JAK1: variants seen among roughly 807,000 people sequenced by gnomAD.
JAK1 encodes the protein Janus kinase 1.
JAK1 carries 16 observed loss-of-function variants against 136.6 expected under a neutral mutation model. That is an observed-to-expected ratio of 0.12 (90% CI 0.08 to 0.18). JAK1 has a LOEUF of 0.18. Ranked by LOEUF, JAK1 falls within the 10% of genes least tolerant of loss-of-function variation. JAK1 has a pLI of 1.00. For missense variants in JAK1, 859 were observed against 1,450.1 expected (o/e 0.59, Z 6.62); for synonymous variants, 492 against 519.5 (o/e 0.95, Z 0.72).
intron 2 of JAK1, chr1:64,990,212 G>A (rs1390406937): frequency 6.6e-6 from 1 of 152,216 alleles, no homozygotes; most frequent in Non-Finnish European, 1.5e-5. Context: ...GGAGGCTGAG[G>A]CAGGAGAATT....
chr1:64,993,898 C>T (rs908914841), intron 2 of JAK1, among the ~76,000 whole-genome samples: 2 of 152,082 alleles, frequency 1.3e-5, no homozygotes, highest in East Asian at 1.9e-4. Context: ...CCACCCACTT[C>T]GGCCTCCCAA....
chr1:65,056,185 G>A (rs1414713096), intron 1 of JAK1, among the ~76,000 whole-genome samples: 3 of 152,196 alleles, frequency 2.0e-5, no homozygotes, highest in South Asian at 2.1e-4. Context: ...TTCAGGAGTG[G>A]TAGCATAATA....
At chr1:64,902,202 T>A (rs1645116450) in intron 1 of JAK1, among the ~76,000 whole-genome samples, 1 of 152,152 alleles carries the variant, frequency 6.6e-6, no homozygotes, top group Non-Finnish European at 1.5e-5. Context: ...CAAATGTCAT[T>A]GTAGCTAGTA....
At position 65,063,961 on chromosome 1, in the gene JAK1, T is replaced by C. The variant is rs572212844; in HGVS notation, c.-181+3643A>G. Among the ~76,000 whole-genome samples, 12 of 152,304 alleles carry C rather than the reference T, an allele frequency of 7.9e-5. No individual in the cohort carries two copies. In the East Asian group the frequency reaches 2.3e-3, roughly 29 times the overall value. Reference sequence around the variant, plus strand: ...AGCCACACTAATAAACAGGTGGAATTAATAGCATATTCATTTAACCCAATA... The same window carrying C: ...AGCCACACTAATAAACAGGTGGAATCAATAGCATATTCATTTAACCCAATA... On this transcript the variant is annotated intron_variant, in intron 1 of 25. Coordinates refer to the JAK1 transcript ENST00000671954.
chr1:64,878,275 A>G (rs1040190456), intron 4 of JAK1, among the ~76,000 whole-genome samples: 1 of 152,182 alleles, frequency 6.6e-6, no homozygotes, highest in African/African-American at 2.4e-5. Context: ...CTGAACAAAT[A>G]TGTTTACAAA....
chr1:65,038,938 T>TTG (rs150814115), intron 2 of JAK1, among the ~76,000 whole-genome samples: 2,577 of 147,940 alleles, frequency 0.017, 65 homozygotes, highest in African/African-American at 0.053. Context: ...GCACCCAGTC[T>TTG]TGTGTGTGTG....
chr1:65,052,998 T>A (rs1245476716), intron 1 of JAK1, among the ~76,000 whole-genome samples: 2 of 123,528 alleles, frequency 1.6e-5, no homozygotes, highest in Non-Finnish European at 3.1e-5. Flanking sequence ...GCCATTGCAC[T>A]CCAGCCTGGT....
At chr1:64,900,902 C>G (rs1645095036) in intron 1 of JAK1, among the ~76,000 whole-genome samples, 2 of 152,166 alleles carry the variant, frequency 1.3e-5, no homozygotes, top group South Asian at 4.1e-4. Flanking sequence ...CTTTGTCCTC[C>G]AAGCCTTTGC....
At position 64,855,533 on chromosome 1, in the gene JAK1, G is replaced by A. The variant is rs1306467125; in HGVS notation, c.1624C>T (p.Arg542Cys). The change falls in exon 11 of 25, where the codon CGC (arginine) becomes TGC (cysteine). Residue 542 changes from arginine to cysteine, a missense_variant. Around this residue, in one of 4 missense-constraint regions of JAK1, gnomAD observed 409 missense variants for 753.8 expected, o/e 0.54. Coordinates refer to ENST00000342505, the MANE Select transcript of JAK1 (RefSeq NM_002227.4). ...CCTCGGGGCTTGGGCTGGCAGCAGCGTTTTAGCATGAAGCTGATGTTATCC... is the reference window on the plus strand; with the variant it reads ...CCTCGGGGCTTGGGCTGGCAGCAGCATTTTAGCATGAAGCTGATGTTATCC... ...RTDNISFMLK[R>C]CCQPKPREIS... 3.1e-6 allele frequency: 5 copies of A among 1,614,024 alleles called. No individual in the cohort carries two copies. Among genetic ancestry groups the A allele is most frequent in the East Asian group, 2.2e-5 (1 of 44,888 alleles).
upstream of JAK1, among the ~76,000 whole-genome samples, chr1:64,970,210 G>A (rs1334606316): frequency 2.0e-5 from 3 of 147,500 alleles, no homozygotes; most frequent in East Asian, 2.0e-4. Flanking sequence ...AGGCCAAGAC[G>A]GGGTGGATTG....
At chr1:65,044,596 A>G (rs1569937735) in intron 1 of JAK1, among the ~76,000 whole-genome samples, 1 of 152,250 alleles carries the variant, frequency 6.6e-6, no homozygotes, top group South Asian at 2.1e-4. Flanking sequence ...TGTGGTGGAA[A>G]GTCAGGGTGA....
At chr1:64,941,316 A>G (rs1204989299) in intron 1 of JAK1, among the ~76,000 whole-genome samples, 2 of 147,116 alleles carry the variant, frequency 1.4e-5, no homozygotes, top group South Asian at 2.1e-4. Context: ...CACATCTGGG[A>G]AAAAAAAAAT....
rs138864438 is a variant in JAK1, at chr1:65,018,462, C to CAG, written c.-78+26016_-78+26017dup. The stretch of plus-strand genomic sequence containing the variant: ...AACTAATGAGAGACACACATACATA[C>CAG]AGAGAGAGAGAGAGAGAGAGAGAGA... On this transcript the variant is annotated intron_variant, in intron 2 of 25. Transcript: ENST00000671954. 5.4e-3 allele frequency among the ~76,000 whole-genome samples: 788 copies of CAG among 146,260 alleles called. 4 individuals carry two copies. The highest frequency in any genetic ancestry group is 0.017 in the East Asian group (86 of 4,974).
chr1:64,925,759 T>C (rs1645573132), intron 1 of JAK1, among the ~76,000 whole-genome samples: 1 of 152,158 alleles, frequency 6.6e-6, no homozygotes, highest in Non-Finnish European at 1.5e-5. Flanking sequence ...TGAGACATGG[T>C]ATAAATCCCT....
At chr1:65,008,051 T>G (rs967679469) in intron 2 of JAK1, among the ~76,000 whole-genome samples, 1 of 152,180 alleles carries the variant, frequency 6.6e-6, no homozygotes, top group African/African-American at 2.4e-5. Context: ...GGCCTCTTAT[T>G]TCTTATTTCT....
At chr1:64,839,847 C>T (rs763537142) in intron 19 of JAK1, 52 bp from the exon 20 acceptor site, 18 of 1,452,610 alleles carry the variant, frequency 1.2e-5, no homozygotes, top group African/African-American at 7.1e-5. Context: ...TCGTAGGCCA[C>T]GGAACACACA....
chr1:64,902,583 A>AGAGAGAGAGAGTGTGT, intron 1 of JAK1, among the ~76,000 whole-genome samples: 1,095 of 73,788 alleles, frequency 0.015, 15 homozygotes, highest in Middle Eastern at 0.062. Flanking sequence ...AGAGAGAGAG[A>AGAGAGAGAGAGTGTGT]GTGTGTGTGT....
chr1:64,848,238 G>A (rs1372542297), intron 12 of JAK1: 1 of 152,472 alleles, frequency 6.6e-6, no homozygotes, highest in Non-Finnish European at 1.5e-5. Context: ...GAGGCTCCTG[G>A]TACAGACTCA....
In JAK1 at chr1:64,844,713, T is replaced by C. The variant is rs1407295058; in HGVS notation, c.2251+41A>G. 1 of 1,612,666 alleles carries C rather than the reference T, an allele frequency of 6.2e-7. No individual in the cohort carries two copies. The highest frequency in any genetic ancestry group is 8.5e-7 in the Non-Finnish European group (1 of 1,179,288). ...GCCCTTCTCTCTGCTGACTTGCCCCTGACTCGGGGTGGGGCCAGAGGGAAG... is the reference window on the plus strand; with the variant it reads ...GCCCTTCTCTCTGCTGACTTGCCCCCGACTCGGGGTGGGGCCAGAGGGAAG... On this transcript the variant is annotated intron_variant, in intron 16 of 24. Transcript: ENST00000342505. The surrounding 1 kb of genome is among the most constrained non-coding windows in gnomAD (Gnocchi z 5.7).
Sources: gnomAD v4.1 joint callset for allele counts (sites outside exome capture counted in the v4.1 genomes callset) on GRCh38, gnomAD v4.1.1 for gene constraint, gnomAD v4.1.1 regional missense constraint, Gnocchi (gnomAD v3.1) non-coding constraint, MANE v1.5 for transcripts, NCBI Gene and HGNC (gene_info 2026-07-23, HGNC 2026-07-21) for gene names.